The following TMEM50B variants were observed in gnomAD, a reference collection of about 807,000 sequenced individuals.
The protein encoded by TMEM50B is HCV p7-trans-regulated protein 3.
In TMEM50B, 14 loss-of-function variants were observed where a neutral mutation model predicts 23.4. The observed-to-expected ratio is 0.60, with a 90% CI of 0.39 to 0.93. The LOEUF is 0.93. Among genes scored for constraint, TMEM50B ranks in the 40% least tolerant of loss-of-function variants. The pLI is 0.00. For missense variants in TMEM50B, 159 were observed against 193.0 expected (o/e 0.82, Z 1.04); for synonymous variants, 64 against 62.3 (o/e 1.03, Z -0.13).
At chr21:33,472,055 A>C (rs1416025169) in intron 1 of TMEM50B, among the ~76,000 whole-genome samples, 1 of 150,480 alleles carries the variant, frequency 6.6e-6, no homozygotes, top group African/African-American at 2.4e-5. Flanking sequence ...GAAAGAAAGA[A>C]AATTCTAGAA....
intron 3 of TMEM50B, 21 bp downstream of exon 3, chr21:33,466,989 G>A (rs377401566): frequency 8.5e-5 from 136 of 1,592,716 alleles, no homozygotes; most frequent in Non-Finnish European, 1.1e-4. Context: ...ACCTTGAATA[G>A]AGAATTATCT....
chr21:33,444,803 C>CCAAAAA (rs746704455), downstream of TMEM50B, among the ~76,000 whole-genome samples: 2 of 96,332 alleles, frequency 2.1e-5, no homozygotes, highest in East Asian at 3.1e-4. Flanking sequence ...CATCTCTTTA[C>CCAAAAA]AAAAAAAAAA....
intron 3 of TMEM50B, 31 bp from the exon 4 acceptor site, chr21:33,465,440 T>G (rs761292907): frequency 6.4e-7 from 1 of 1,568,042 alleles, no homozygotes; most frequent in Non-Finnish European, 8.7e-7. Flanking sequence ...CAAATGAATT[T>G]CAGTATTCGC....
At chr21:33,437,138 T>A (rs1174388095) in intron 8 of TMEM50B, 6 of 593,252 alleles carry the variant, frequency 1.0e-5, no homozygotes, top group Non-Finnish European at 1.5e-5. Context: ...TTTTTTTTTT[T>A]TCTTAAAGAA....
At chr21:33,460,280 T>C in intron 5 of TMEM50B, 133 bp downstream of exon 5, 1 of 679,454 alleles carries the variant, frequency 1.5e-6, no homozygotes, top group Non-Finnish European at 2.6e-6. Context: ...ATTAAACTCA[T>C]GTATCTTCAC....
intron 3 of TMEM50B, among the ~76,000 whole-genome samples, chr21:33,466,286 A>G (rs1467631091): frequency 6.6e-6 from 1 of 152,206 alleles, no homozygotes; most frequent in East Asian, 1.9e-4. Context: ...TCCTGATGGT[A>G]TAAGGAAATG....
At chr21:33,435,742 G>T (rs1294724148) in intron 8 of TMEM50B, among the ~76,000 whole-genome samples, 3 of 151,936 alleles carry the variant, frequency 2.0e-5, no homozygotes, top group Non-Finnish European at 4.4e-5. Flanking sequence ...AATTACCCAG[G>T]CATGGTGGCA....
intron 6 of TMEM50B, among the ~76,000 whole-genome samples, chr21:33,455,320 A>G (rs535833990): frequency 6.6e-6 from 1 of 152,072 alleles, no homozygotes; most frequent in East Asian, 1.9e-4. Context: ...CCTCTTGAGT[A>G]GCTGGCACTG....
At chr21:33,433,736 TAA>T (rs1416280445) in intron 8 of TMEM50B, among the ~76,000 whole-genome samples, 5 of 152,104 alleles carry the variant, frequency 3.3e-5, no homozygotes, top group African/African-American at 9.7e-5. Context: ...ACTGTACACC[TAA>T]AAAGAGTTAT....
chr21:33,474,605 T>G (rs566101268), intron 1 of TMEM50B, among the ~76,000 whole-genome samples: 1 of 146,330 alleles, frequency 6.8e-6, no homozygotes, highest in Non-Finnish European at 1.5e-5. Flanking sequence ...TGAAACCCTG[T>G]CTCTACTAAA....
intron 6 of TMEM50B, among the ~76,000 whole-genome samples, chr21:33,453,383 C>T (rs531188987): frequency 6.6e-5 from 10 of 152,198 alleles, no homozygotes; most frequent in Non-Finnish European, 1.2e-4. Context: ...AGCCACCATG[C>T]CCAGCCGAGA....
rs778570396 is a variant in TMEM50B, at chr21:33,468,898, A to G, written c.-13T>C. On this transcript the variant is annotated 5_prime_UTR_variant, in exon 2 of 7. Coordinates refer to ENST00000542230, the MANE Select transcript of TMEM50B (RefSeq NM_006134.7). ...GGAAGCCTGCCATTTTTACTTCTTAAGCATAAATTTTTCATTAAATGCTGT... is the reference window on the plus strand; with the variant it reads ...GGAAGCCTGCCATTTTTACTTCTTAGGCATAAATTTTTCATTAAATGCTGT... 6.2e-6 allele frequency: 10 copies of G among 1,605,474 alleles called. No individual in the cohort carries two copies. The African/African-American group carries it at 1.2e-4, about 19-fold the overall frequency.
intron 4 of TMEM50B, among the ~76,000 whole-genome samples, chr21:33,464,373 A>AT (rs1568982881): frequency 2.0e-5 from 3 of 150,982 alleles, no homozygotes; most frequent in Non-Finnish European, 3.0e-5. Flanking sequence ...AATTTTGTAT[A>AT]TTTTTTAGTA....
At chr21:33,441,203 C>G (rs191126272) in intron 7 of TMEM50B, among the ~76,000 whole-genome samples, 74 of 152,096 alleles carry the variant, frequency 4.9e-4, no homozygotes, top group Non-Finnish European at 9.1e-4. Context: ...GCACCTCAAC[C>G]TGGGCAACAG....
chr21:33,458,404 C>T (rs928786492), intron 5 of TMEM50B, among the ~76,000 whole-genome samples: 11 of 151,896 alleles, frequency 7.2e-5, no homozygotes, highest in Non-Finnish European at 1.6e-4. Context: ...GTCCCAGCTA[C>T]TTAGGAGGCT....
chr21:33,461,282 G>T (rs998701770), intron 4 of TMEM50B, among the ~76,000 whole-genome samples: 3 of 152,086 alleles, frequency 2.0e-5, no homozygotes, highest in Non-Finnish European at 4.4e-5. Context: ...TGTTACCAGG[G>T]AAAAGATTCA....
chr21:33,452,833 G>A (rs1157865746), intron 6 of TMEM50B, among the ~76,000 whole-genome samples: 1 of 152,166 alleles, frequency 6.6e-6, no homozygotes, highest in African/African-American at 2.4e-5. Context: ...ATCAGTAGAA[G>A]CAGATGCAGA....
rs186465465 is a variant in TMEM50B, at chr21:33,436,906, G to C, written c.*2120+2308C>G. 6 of 1,614,028 alleles carry C rather than the reference G, an allele frequency of 3.7e-6. No homozygotes were observed. Among genetic ancestry groups the C allele is most frequent in the Admixed American group, 3.3e-5 (2 of 60,018 alleles). The stretch of plus-strand genomic sequence containing the variant: ...ACCAAAGGATGACGTCTGGGACTCT[G>C]TGTCCATTATCTCGTTTCCGGAAAA... On this transcript the variant is annotated intron_variant and NMD_transcript_variant, in intron 8 of 8. Coordinates refer to the TMEM50B transcript ENST00000420455.
At chr21:33,451,125 CTA>C (rs2084116044) in intron 6 of TMEM50B, among the ~76,000 whole-genome samples, 1 of 152,114 alleles carries the variant, frequency 6.6e-6, no homozygotes, top group Admixed American at 6.6e-5. Flanking sequence ...AGACATTTCT[CTA>C]TGACTCAGAA....
Sources: gnomAD v4.1 joint callset for allele counts (sites outside exome capture counted in the v4.1 genomes callset) on GRCh38, gnomAD v4.1.1 for gene constraint, MANE v1.5 for transcripts, NCBI Gene and HGNC (gene_info 2026-07-23, HGNC 2026-07-21) for gene names.